The following ABCC2 variants were observed in gnomAD, a reference collection of about 807,000 sequenced individuals.
ABCC2 encodes ATP-binding cassette sub-family C member 2.
In ABCC2, 157 loss-of-function variants were observed where a neutral mutation model predicts 173.4. The observed-to-expected ratio is 0.91, with a 90% CI of 0.80 to 1.03. The LOEUF is 1.03. Among genes scored for constraint, ABCC2 ranks in the 50% least tolerant of loss-of-function variants. ABCC2 has a pLI of 0.00. For synonymous variants in ABCC2, 657 were observed against 693.5 expected (o/e 0.95, Z 0.83); for missense variants, 1,822 against 1,852.3 (o/e 0.98, Z 0.30).
At position 99,831,664 on chromosome 10, in the gene ABCC2, ATTC is replaced by A; in HGVS notation, c.2941_2943del (p.Phe981del). ...TACAAGCAATAGGATTGTTTTCGATATTCTTCATCATCCTTGCGTTTGTGATGA... is the reference window on the plus strand; with the variant it reads ...TACAAGCAATAGGATTGTTTTCGATATTCATCATCCTTGCGTTTGTGATGA... On this transcript the variant is annotated inframe_deletion, in exon 22 of 32. Transcript: ENST00000647814. The A allele has an allele frequency of 1.9e-6, 3 of 1,614,146 alleles. No homozygotes were observed. Among genetic ancestry groups the A allele is most frequent in the East Asian group, 2.2e-5 (1 of 44,880 alleles).
chr10:99,840,601 G>C (rs1415437732), intron 25 of ABCC2, among the ~76,000 whole-genome samples: 3 of 150,232 alleles, frequency 2.0e-5, no homozygotes, highest in Admixed American at 2.0e-4. Context: ...TGCCTCCCAG[G>C]TTGAAGCGAT....
chr10:99,848,950 C>G (rs1035920489), intron 30 of ABCC2, among the ~76,000 whole-genome samples: 1 of 152,196 alleles, frequency 6.6e-6, no homozygotes, highest in African/African-American at 2.4e-5. Context: ...ACCGGCCGGG[C>G]GCAGTGGCTC....
In ABCC2 at chr10:99,814,133, GTA is replaced by G. The variant is rs1159602215; in HGVS notation, c.2094+996_2094+997del. On this transcript the variant is annotated intron_variant, in intron 16 of 31. Transcript: ENST00000647814. ...TATGTGTATATACACACATATGTGT[GTA>G]TATATACACACATGTATGTATACAC... Among the ~76,000 whole-genome samples the G allele has an allele frequency of 3.2e-3, 197 of 62,278 alleles. 23 individuals carry two copies. The highest frequency in any genetic ancestry group is 0.01 in the African/African-American group (143 of 14,266). The allele number at this position is 62,278 out of a possible 152,430, so 40.9% of individuals were successfully genotyped here.
intron 2 of ABCC2, among the ~76,000 whole-genome samples, chr10:99,790,564 C>A (rs1308551451): frequency 2.0e-5 from 3 of 152,040 alleles, no homozygotes; most frequent in Non-Finnish European, 4.4e-5. Context: ...CTGGTTAGTA[C>A]CCTCTAGTCA....
In ABCC2 at chr10:99,814,585, A is replaced by G. The variant is rs1424853575; in HGVS notation, c.2094+1441A>G. On this transcript the variant is annotated intron_variant, in intron 16 of 31. Coordinates refer to ENST00000647814, the MANE Select transcript of ABCC2 (RefSeq NM_000392.5). The stretch of plus-strand genomic sequence containing the variant: ...CACATATACACACACATATGTGTAT[A>G]TACACATATACACACACATATGTGT... Among the ~76,000 whole-genome samples the G allele has an allele frequency of 2.6e-4, 28 of 107,040 alleles. 3 individuals carry two copies. Among genetic ancestry groups the G allele is most frequent in the Middle Eastern group, 6.8e-3 (1 of 148 alleles). The allele number at this position is 107,040 out of a possible 152,430, so 70.2% of individuals were successfully genotyped here.
At position 99,798,658 on chromosome 10, in the gene ABCC2, C is replaced by T. The variant is rs12257125; in HGVS notation, c.868-549C>T. On this transcript the variant is annotated intron_variant, in intron 7 of 31. Transcript: ENST00000647814. ...CCACCATCACAGGACCATCTTCTCT[C>T]TGTGTCTGTCTCTTCTCTTCTTGTA... Among the ~76,000 whole-genome samples the T allele has an allele frequency of 3.5e-3, 528 of 152,316 alleles. 3 individuals are homozygous for T. Among genetic ancestry groups the T allele is most frequent in the African/African-American group, 0.012 (495 of 41,568 alleles).
intron 19 of ABCC2, 139 bp downstream of exon 19, chr10:99,819,408 G>A: frequency 1.1e-6 from 1 of 884,146 alleles, no homozygotes; most frequent in Non-Finnish European, 1.8e-6. Context: ...TCTGCTTTCT[G>A]GGTTCTGTGT....
chr10:99,802,997 C>A (rs2038037473), intron 9 of ABCC2, among the ~76,000 whole-genome samples: 1 of 152,174 alleles, frequency 6.6e-6, no homozygotes, highest in Admixed American at 6.5e-5. Flanking sequence ...AAGACGGAGT[C>A]TCACTCTGTA....
At chr10:99,814,656 CATA>C (rs1174383500) in intron 16 of ABCC2, among the ~76,000 whole-genome samples, 1 of 82,194 alleles carries the variant, frequency 1.2e-5, no homozygotes, top group Non-Finnish European at 2.2e-5. Context: ...TATACACACA[CATA>C]TGTGTATATA....
At chr10:99,850,825 G>A (rs758722083) in intron 31 of ABCC2, 29 bp downstream of exon 31, 16 of 1,612,934 alleles carry the variant, frequency 9.9e-6, no homozygotes, top group Admixed American at 1.7e-5. Flanking sequence ...GGCTTGACAC[G>A]GATGGCTTAA....
rs2038716667 is a variant in ABCC2, at chr10:99,830,365, G to A, written c.2679G>A (p.Glu893=). 3 of 1,614,048 alleles carry A rather than the reference G, an allele frequency of 1.9e-6. No individual in the cohort carries two copies. The highest frequency in any genetic ancestry group is 2.5e-6 in the Non-Finnish European group (3 of 1,180,014). ...DDYGLISSVE[E]IPEDAASITM... is the part of the protein sequence containing the mutation. ...ATGGGCTGATATCCAGTGTGGAAGA[G>A]ATCCCCGAAGATGCAGCCTCCATAA... The change falls in exon 20 of 32, where the codon GAG becomes GAA. Residue 893 remains glutamate (E), a synonymous_variant. Coordinates refer to ENST00000647814, the MANE Select transcript of ABCC2 (RefSeq NM_000392.5).
At chr10:99,851,085 G>A (rs2039082664) in intron 31 of ABCC2, among the ~76,000 whole-genome samples, 1 of 152,232 alleles carries the variant, frequency 6.6e-6, no homozygotes, top group Admixed American at 6.5e-5. Context: ...AGAGGCAGAT[G>A]TTGACCATAG....
chr10:99,821,680 G>A (rs1167045587), intron 19 of ABCC2, among the ~76,000 whole-genome samples: 1 of 152,198 alleles, frequency 6.6e-6, no homozygotes, highest in African/African-American at 2.4e-5. Context: ...TGGGGGTAAG[G>A]TCACAGAATC....
At position 99,842,054 on chromosome 10, in the gene ABCC2, T is replaced by C. The variant is rs1204018256; in HGVS notation, c.3702T>C (p.Ser1234=). The C allele has an allele frequency of 1.9e-6, 3 of 1,614,182 alleles. No homozygotes were observed. The highest frequency in any genetic ancestry group is 2.5e-6 in the Non-Finnish European group (3 of 1,180,024). ...TGGTTATTTATAGAGATACCCTAAG[T>C]GGGGACACTGTTGGCTTTGTTCTGT... ...LMMVIYRDTL[S]GDTVGFVLSN... is the part of the protein sequence containing the mutation. Residue 1234 remains serine, a synonymous_variant, in exon 26 of 32, where the codon AGT becomes AGC. Transcript: ENST00000647814.
chr10:99,790,955 T>A (rs2037802052), intron 2 of ABCC2, among the ~76,000 whole-genome samples: 1 of 152,194 alleles, frequency 6.6e-6, no homozygotes, highest in Admixed American at 6.5e-5. Flanking sequence ...GGGGAGATGG[T>A]GCCACATAAA....
Position 99,832,042 on chromosome 10 carries a change from C to T in ABCC2, c.3169C>T (p.His1057Tyr). 1 of 1,614,192 alleles carries T rather than the reference C, an allele frequency of 6.2e-7. No individual in the cohort carries two copies. Among genetic ancestry groups the T allele is most frequent in the Non-Finnish European group, 8.5e-7 (1 of 1,180,022 alleles). The change falls in exon 23 of 32, where the codon CAC (histidine) becomes TAC (tyrosine). Residue 1057 changes from histidine to tyrosine, a missense_variant. Physicochemically the swap from His to Tyr is moderately conservative, Grantham distance 83 (BLOSUM62 2). Transcript: ENST00000647814. ...FGFVHASNIL[H>Y]KQLLNNILRA... ...TTTCGTCCATGCATCAAATATCTTG[C>T]ACAAGCAACTGCTGAACAATATCCT...
At position 99,851,594 on chromosome 10, in the gene ABCC2, A is replaced by C. The variant is rs1244014457; in HGVS notation, c.4601A>C (p.Glu1534Ala). The C allele has an allele frequency of 6.2e-7, 1 of 1,614,222 alleles. No homozygotes were observed. The highest frequency in any genetic ancestry group is 1.1e-5 in the South Asian group (1 of 91,092). ...GGACCCTTTTACTTTATGGCTAAGG[A>C]AGCTGGCATTGAGAATGTGAACAGC... Reference protein sequence around the residue: ...IPGPFYFMAKEAGIENVNSTK... With the variant: ...IPGPFYFMAKAAGIENVNSTK... The change falls in exon 32 of 32, where the codon GAA becomes GCA. Residue 1534 changes from glutamate to alanine, a missense_variant. Glu to Ala is a moderately radical substitution (Grantham distance 107). Transcript: ENST00000647814.
intron 4 of ABCC2, 40 bp from the exon 5 acceptor site, chr10:99,793,852 A>T (rs1006769659): frequency 6.3e-7 from 1 of 1,589,418 alleles, no homozygotes; most frequent in African/African-American, 1.3e-5. Context: ...CTTCCTTTGG[A>T]CAAAAGGCTC....
At chr10:99,850,914 G>A in intron 31 of ABCC2, 118 bp downstream of exon 31, 4 of 1,259,994 alleles carry the variant, frequency 3.2e-6, no homozygotes, top group Non-Finnish European at 2.3e-6. Flanking sequence ...TACTGATGAA[G>A]AAACTGAGAC....
Sources: gnomAD v4.1 joint callset for allele counts (sites outside exome capture counted in the v4.1 genomes callset) on GRCh38, gnomAD v4.1.1 for gene constraint, MANE v1.5 for transcripts, NCBI Gene and HGNC (gene_info 2026-07-23, HGNC 2026-07-21) for gene names.